RPS6KC1: variants seen among roughly 807,000 people sequenced by gnomAD.
The protein encoded by RPS6KC1 is inactive ribosomal protein S6 kinase delta-1.
In RPS6KC1, 54 loss-of-function variants were observed where a neutral mutation model predicts 103.8. The observed-to-expected ratio is 0.52, with a 90% CI of 0.42 to 0.65. RPS6KC1 has a LOEUF of 0.65. Ranked by LOEUF, RPS6KC1 falls within the 30% of genes least tolerant of loss-of-function variation. The pLI is 0.00. For synonymous variants in RPS6KC1, 439 were observed against 438.7 expected, an observed-to-expected ratio of 1.00 and a Z score of -0.01; for missense variants, 1,151 against 1,253.8, an observed-to-expected ratio of 0.92 and a Z score of 1.24.
At chr1:213,805,115 G>A in the RPS6KC1 span, among the ~76,000 whole-genome samples, 3 of 152,216 alleles carry the variant, frequency 2.0e-5, no homozygotes, top group Admixed American at 1.3e-4. Flanking sequence ...GATCCTCTGA[G>A]CCTTCAGCGA....
the RPS6KC1 span, among the ~76,000 whole-genome samples, chr1:213,684,779 T>C: frequency 2.6e-5 from 4 of 152,226 alleles, no homozygotes; most frequent in African/African-American, 4.8e-5. Flanking sequence ...AGAGACTCTT[T>C]CTGTTGCAAT....
At chr1:213,412,264 T>C in the RPS6KC1 span, among the ~76,000 whole-genome samples, 1 of 152,352 alleles carries the variant, frequency 6.6e-6, no homozygotes, top group South Asian at 2.1e-4. Context: ...GTTTAAACCA[T>C]CTGTCTTAGA....
chr1:213,055,255 T>C (rs2077240232), intron 1 of RPS6KC1, among the ~76,000 whole-genome samples: 1 of 152,184 alleles, frequency 6.6e-6, no homozygotes, highest in South Asian at 2.1e-4. Flanking sequence ...ACCACTGGTT[T>C]GCTTTCTGTC....
intron 12 of RPS6KC1, among the ~76,000 whole-genome samples, chr1:213,246,631 T>TG (rs1361674174): frequency 1.3e-5 from 2 of 152,210 alleles, no homozygotes; most frequent in Non-Finnish European, 2.9e-5. Context: ...AATAAACCTT[T>TG]GTTTATAGTG....
chr1:213,539,039 A>G, the RPS6KC1 span, among the ~76,000 whole-genome samples: 2 of 152,328 alleles, frequency 1.3e-5, no homozygotes, highest in East Asian at 1.9e-4. Context: ...GCTCTTTTGC[A>G]ATGTTGGGTA....
intron 9 of RPS6KC1, 57 bp from the exon 10 acceptor site, chr1:213,232,066 C>G: frequency 6.3e-7 from 1 of 1,595,030 alleles, no homozygotes; most frequent in Non-Finnish European, 8.6e-7. Flanking sequence ...ACAGCAGGCT[C>G]CAAAGGCAAC....
At chr1:213,052,725 A>G (rs947071388) in intron 1 of RPS6KC1, among the ~76,000 whole-genome samples, 6 of 152,008 alleles carry the variant, frequency 3.9e-5, no homozygotes, top group Admixed American at 6.6e-5. Flanking sequence ...TATTTTTAGT[A>G]GAGATGGGGT....
chr1:213,862,440 C>A, the RPS6KC1 span, among the ~76,000 whole-genome samples: 2 of 152,110 alleles, frequency 1.3e-5, no homozygotes, highest in African/African-American at 4.8e-5. Context: ...GAGGAGAGGG[C>A]CAGAAGCACC....
At chr1:213,718,376 C>T in the RPS6KC1 span, among the ~76,000 whole-genome samples, 1 of 152,180 alleles carries the variant, frequency 6.6e-6, no homozygotes, top group Non-Finnish European at 1.5e-5. Flanking sequence ...CATTATTATC[C>T]TCCTTTACAG....
chr1:213,262,764 C>A lies in RPS6KC1; in HGVS notation c.3038C>A (p.Thr1013Asn), dbSNP rs371668209. ...CCAGCAGGAATAAATACTCACACTACTTTGAACATGCCAGAATGTGTCTCT... is the reference window on the plus strand; with the variant it reads ...CCAGCAGGAATAAATACTCACACTAATTTGAACATGCCAGAATGTGTCTCT... ...CHPAGINTHT[T>N]LNMPECVSEE... The change falls in exon 14 of 15, where the codon ACT (threonine) becomes AAT (asparagine). Residue 1013 changes from threonine to asparagine, a missense_variant. Physicochemically the swap from Thr to Asn is moderately conservative, Grantham distance 65. This residue lies in a region of RPS6KC1 where 189 missense variants were observed against 228.8 expected (regional missense o/e 0.83). Transcript: ENST00000366960. The A allele has an allele frequency of 1.9e-6, 3 of 1,613,278 alleles. No homozygotes were observed. The highest frequency in any genetic ancestry group is 1.7e-6 in the Non-Finnish European group (2 of 1,179,312).
At chr1:213,709,724 G>C in the RPS6KC1 span, among the ~76,000 whole-genome samples, 3 of 152,160 alleles carry the variant, frequency 2.0e-5, no homozygotes, top group African/African-American at 7.2e-5. Flanking sequence ...TTGTGTGTTT[G>C]TTCTGATTGG....
At chr1:213,695,239 G>A in the RPS6KC1 span, among the ~76,000 whole-genome samples, 14 of 152,210 alleles carry the variant, frequency 9.2e-5, no homozygotes, top group Non-Finnish European at 1.6e-4. Flanking sequence ...TCAGTGGTGT[G>A]GGCACATGTC....
the RPS6KC1 span, among the ~76,000 whole-genome samples, chr1:213,753,807 G>C: frequency 6.6e-6 from 1 of 152,136 alleles, no homozygotes; most frequent in African/African-American, 2.4e-5. Flanking sequence ...ATTCGTAGGT[G>C]CTCCATCAGT....
chr1:213,241,460 A>AG lies in RPS6KC1; in HGVS notation c.1988dup (p.Ser664LeufsTer3). The AG allele has an allele frequency of 6.2e-7, 1 of 1,614,028 alleles. No individual in the cohort carries two copies. The highest frequency in any genetic ancestry group is 8.5e-7 in the Non-Finnish European group (1 of 1,179,948). The stretch of plus-strand genomic sequence containing the variant: ...GTTTAAAGCTCAGGACACCATTAGC[A>AG]GGGGCTCAGATGACTCAGTGCCAGT... On this transcript the variant is annotated frameshift_variant, in exon 11 of 15. Transcript: ENST00000366960. LOFTEE classifies it high-confidence loss of function.
the RPS6KC1 span, among the ~76,000 whole-genome samples, chr1:213,814,266 C>G: frequency 1.3e-5 from 2 of 152,184 alleles, no homozygotes; most frequent in African/African-American, 4.8e-5. Flanking sequence ...TTTCTTGGAG[C>G]AGGACAACCT....
the RPS6KC1 span, among the ~76,000 whole-genome samples, chr1:213,667,827 T>C: frequency 6.6e-6 from 1 of 152,242 alleles, no homozygotes; most frequent in Non-Finnish European, 1.5e-5. Flanking sequence ...ATTTTAACAA[T>C]GTTCATAGCA....
the RPS6KC1 span, among the ~76,000 whole-genome samples, chr1:213,716,949 T>A: frequency 2.0e-5 from 3 of 152,250 alleles, no homozygotes; most frequent in East Asian, 5.8e-4. Context: ...TTTCCCAAGA[T>A]GAGCTAATTA....
At chr1:213,151,745 T>C (rs1572864625) in intron 6 of RPS6KC1, among the ~76,000 whole-genome samples, 1 of 111,028 alleles carries the variant, frequency 9.0e-6, no homozygotes, top group Admixed American at 9.0e-5. Flanking sequence ...CCCACCCATC[T>C]CCCTCCCGGA....
the RPS6KC1 span, among the ~76,000 whole-genome samples, chr1:213,406,380 T>C: frequency 2.0e-5 from 3 of 152,168 alleles, no homozygotes; most frequent in Non-Finnish European, 4.4e-5. Context: ...TTTTAGATTT[T>C]CCTTTCCTTT....
Sources: allele counts gnomAD v4.1 joint callset (sites outside exome capture counted in the v4.1 genomes callset), GRCh38; gene constraint gnomAD v4.1.1; regional missense constraint gnomAD v4.1.1; transcripts MANE v1.5; gene names NCBI Gene and HGNC (gene_info 2026-07-23, HGNC 2026-07-21).